Variants in CBFA2T2 observed in about 807,000 individuals in gnomAD.
The protein encoded by CBFA2T2 is CBFA2/RUNX1 partner transcriptional co-repressor 2.
A neutral mutation model predicts 62.2 loss-of-function variants in CBFA2T2; 11 were observed. The ratio of observed to expected loss-of-function variants is 0.18; its 90% CI spans 0.11 to 0.29. CBFA2T2 has a LOEUF of 0.29. Ranked by LOEUF, CBFA2T2 falls within the 10% of genes least tolerant of loss-of-function variation. The pLI, the probability that CBFA2T2 is intolerant of heterozygous loss-of-function variation, is 1.00. For missense variants in CBFA2T2, 592 were observed against 774.1 expected (o/e 0.76, Z 2.79); for synonymous variants, 295 against 287.5 (o/e 1.03, Z -0.27).
At chr20:33,587,223 C>T (rs1201150007) in intron 1 of CBFA2T2, among the ~76,000 whole-genome samples, 2 of 151,910 alleles carry the variant, frequency 1.3e-5, no homozygotes, top group Admixed American at 6.6e-5. Flanking sequence ...GGATTACAGG[C>T]GTGAGCCACG....
At chr20:33,631,847 G>C (rs2016464847) in intron 8 of CBFA2T2, among the ~76,000 whole-genome samples, 1 of 152,110 alleles carries the variant, frequency 6.6e-6, no homozygotes, top group African/African-American at 2.4e-5. Context: ...TCATTTATAT[G>C]TTTATCTCAT....
intron 1 of CBFA2T2, among the ~76,000 whole-genome samples, chr20:33,599,575 T>C (rs1176756669): frequency 6.6e-6 from 1 of 152,002 alleles, no homozygotes; most frequent in East Asian, 1.9e-4. Context: ...TAAAATACTT[T>C]CTGGTAATTT....
At chr20:33,535,064 A>G (rs574408733) in intron 1 of CBFA2T2, among the ~76,000 whole-genome samples, 3,429 of 152,310 alleles carry the variant, frequency 0.023, 123 homozygotes, top group African/African-American at 0.078. Context: ...GTGAAGTACA[A>G]TAAAGTGAAA....
At chr20:33,516,618 G>A (rs1053154964) in intron 1 of CBFA2T2, among the ~76,000 whole-genome samples, 3 of 152,252 alleles carry the variant, frequency 2.0e-5, no homozygotes, top group Non-Finnish European at 2.9e-5. Flanking sequence ...GATTACAGGT[G>A]TGAACCACCA....
At chr20:33,492,773 A>G (rs2011157666) in intron 1 of CBFA2T2, among the ~76,000 whole-genome samples, 2 of 152,034 alleles carry the variant, frequency 1.3e-5, no homozygotes, top group East Asian at 1.9e-4. Context: ...AGCCATCCAA[A>G]TTGCTGGGAT....
At chr20:33,561,171 T>A (rs2013076661) in intron 1 of CBFA2T2, among the ~76,000 whole-genome samples, 1 of 152,168 alleles carries the variant, frequency 6.6e-6, no homozygotes, top group African/African-American at 2.4e-5. Context: ...CCACAGTGCC[T>A]GGCCTTTCTT....
intron 1 of CBFA2T2, among the ~76,000 whole-genome samples, chr20:33,590,289 C>T (rs1170474638): frequency 6.6e-6 from 1 of 151,116 alleles, no homozygotes; most frequent in Non-Finnish European, 1.5e-5. Context: ...TTCCTGTGCA[C>T]AAACAGCTTC....
intron 3 of CBFA2T2, among the ~76,000 whole-genome samples, chr20:33,616,409 CAT>C (rs749174755): frequency 1.3e-5 from 2 of 152,080 alleles, no homozygotes; most frequent in Non-Finnish European, 2.9e-5. Context: ...TGAAAATACA[CAT>C]ATGGCAAAAT....
At chr20:33,584,568 T>G (rs1345735033) in intron 1 of CBFA2T2, among the ~76,000 whole-genome samples, 1 of 152,118 alleles carries the variant, frequency 6.6e-6, no homozygotes, top group Non-Finnish European at 1.5e-5. Flanking sequence ...TAAGTGACAT[T>G]TTTAAGAGTT....
chr20:33,538,670 T>C (rs2012330100), intron 1 of CBFA2T2, among the ~76,000 whole-genome samples: 1 of 152,172 alleles, frequency 6.6e-6, no homozygotes. Context: ...CTGGCCTCCG[T>C]TGGATTTTCT....
intron 1 of CBFA2T2, among the ~76,000 whole-genome samples, chr20:33,547,687 A>ATGTGTGAG (rs2012617409): frequency 7.2e-6 from 1 of 139,072 alleles, no homozygotes; most frequent in African/African-American, 2.7e-5. Context: ...TCTCAAAAAA[A>ATGTGTGAG]TGTGTGTGTG....
chr20:33,554,600 CTT>C lies in CBFA2T2; in HGVS notation c.35-52334_35-52333del, dbSNP rs752877501. Among the ~76,000 whole-genome samples, 506 of 56,242 alleles carry C rather than the reference CTT, an allele frequency of 9.0e-3. 4 individuals are homozygous for C. Among genetic ancestry groups the C allele is most frequent in the African/African-American group, 0.036 (484 of 13,538 alleles). The allele number at this position is 56,242 out of a possible 152,430, so 36.9% of individuals were successfully genotyped here. On this transcript the variant is annotated intron_variant, in intron 1 of 10. Transcript: ENST00000342704. ...TTTCTTTCCTTTTCCTTTTTCTTTT[CTT>C]TTTTTTTTTTTTTTTTTTTTTGAGA...
chr20:33,559,394 G>A (rs1432393874), intron 1 of CBFA2T2, among the ~76,000 whole-genome samples: 2 of 151,860 alleles, frequency 1.3e-5, no homozygotes, highest in Non-Finnish European at 2.9e-5. Flanking sequence ...GGCTGGTCTG[G>A]AACTCCTGAC....
chr20:33,633,411 G>A (rs1291705434), intron 8 of CBFA2T2, among the ~76,000 whole-genome samples: 1 of 151,626 alleles, frequency 6.6e-6, no homozygotes, highest in African/African-American at 2.4e-5. Flanking sequence ...TAAAAGTCTT[G>A]GGTTATGCAG....
At chr20:33,586,141 A>C (rs1462048362) in intron 1 of CBFA2T2, among the ~76,000 whole-genome samples, 1 of 152,158 alleles carries the variant, frequency 6.6e-6, no homozygotes, top group African/African-American at 2.4e-5. Flanking sequence ...TATTGTGATT[A>C]TTATCATTAT....
At chr20:33,632,703 T>C (rs2016497353) in intron 8 of CBFA2T2, among the ~76,000 whole-genome samples, 1 of 151,784 alleles carries the variant, frequency 6.6e-6, no homozygotes, top group Non-Finnish European at 1.5e-5. Context: ...CGCCTCGTCC[T>C]CCCGAAGTGC....
chr20:33,640,609 C>T, intron 10 of CBFA2T2, 78 bp downstream of exon 10: 1 of 1,270,900 alleles, frequency 7.9e-7, no homozygotes, highest in Non-Finnish European at 1.1e-6. Context: ...ATACGCTGGG[C>T]AGGAAGACAC....
chr20:33,535,179 T>C (rs2012172369), intron 1 of CBFA2T2, among the ~76,000 whole-genome samples: 1 of 152,264 alleles, frequency 6.6e-6, no homozygotes, highest in African/African-American at 2.4e-5. Context: ...TTTCTGAGAA[T>C]CTTGTCTACA....
chr20:33,596,514 A>C (rs529426569), intron 1 of CBFA2T2, among the ~76,000 whole-genome samples: 3 of 152,144 alleles, frequency 2.0e-5, no homozygotes, highest in African/African-American at 7.2e-5. Flanking sequence ...TATACTCTTT[A>C]CTTGGCTTCT....
Sources: allele counts gnomAD v4.1 joint callset (sites outside exome capture counted in the v4.1 genomes callset), GRCh38; gene constraint gnomAD v4.1.1; transcripts MANE v1.5; gene names NCBI Gene and HGNC (gene_info 2026-07-23, HGNC 2026-07-21).